The following TEAD1 variants were observed in gnomAD, a reference collection of about 807,000 sequenced individuals.
The protein encoded by TEAD1 is TEA domain transcription factor 1.
Under a neutral mutation model 54.9 loss-of-function variants are expected in TEAD1, and 9 were observed. That is an observed-to-expected ratio of 0.16 (90% CI 0.10 to 0.29). The LOEUF (loss-of-function observed/expected upper bound fraction) is 0.29. Among genes scored for constraint, TEAD1 ranks in the 10% least tolerant of loss-of-function variants. The pLI is 1.00. For synonymous variants in TEAD1, 200 were observed against 187.8 expected, an observed-to-expected ratio of 1.07 and a Z score of -0.53; for missense variants, 387 against 535.9, an observed-to-expected ratio of 0.72 and a Z score of 2.74.
intron 2 of TEAD1, among the ~76,000 whole-genome samples, chr11:12,734,626 C>T (rs1215813807): frequency 1.3e-5 from 2 of 152,050 alleles, no homozygotes; most frequent in Middle Eastern, 3.2e-3. Flanking sequence ...TTTACTGTAC[C>T]TTTTCTATGT....
chr11:12,884,131 C>G (rs1333211934), intron 9 of TEAD1, among the ~76,000 whole-genome samples: 1 of 152,110 alleles, frequency 6.6e-6, no homozygotes, highest in Non-Finnish European at 1.5e-5. Context: ...CCTACCTCCC[C>G]CACCCCCATC....
intron 3 of TEAD1, among the ~76,000 whole-genome samples, chr11:12,781,964 AAAAAAAAGAAAGAAAAAAAGAAAAAG>A (rs1945557583): frequency 7.0e-6 from 1 of 141,954 alleles, no homozygotes; most frequent in African/African-American, 3.1e-5. Context: ...AAAAAAAAAA[AAAAAAAAGAAAGAAAAAAAGAAAAAG>A]AAAAAAAAAA....
chr11:12,741,003 A>C (rs1288445570), intron 2 of TEAD1, among the ~76,000 whole-genome samples: 1 of 151,564 alleles, frequency 6.6e-6, no homozygotes, highest in African/African-American at 2.4e-5. Context: ...TAAAAATTGC[A>C]AAAACAATGG....
chr11:12,712,474 T>C (rs1188329341), intron 2 of TEAD1, among the ~76,000 whole-genome samples: 1 of 152,244 alleles, frequency 6.6e-6, no homozygotes, highest in East Asian at 1.9e-4. Context: ...GCTTCAGGCA[T>C]GTTCCCTAAA....
chr11:12,850,940 A>G (rs1947260895), intron 3 of TEAD1: 1 of 355,972 alleles, frequency 2.8e-6, no homozygotes, highest in African/African-American at 2.2e-5. Flanking sequence ...GACGAGAACA[A>G]AGGTCTGAAA....
chr11:12,873,844 T>C (rs186164523), intron 5 of TEAD1, among the ~76,000 whole-genome samples: 3 of 152,366 alleles, frequency 2.0e-5, no homozygotes, highest in African/African-American at 7.2e-5. Context: ...AGAAAGAACA[T>C]CTGCAAGATT....
intron 2 of TEAD1, among the ~76,000 whole-genome samples, chr11:12,739,241 TATCA>T (rs975680237): frequency 6.6e-6 from 1 of 152,030 alleles, no homozygotes; most frequent in Non-Finnish European, 1.5e-5. Flanking sequence ...TCTATCTATC[TATCA>T]GTCATCTATC....
intron 2 of TEAD1, among the ~76,000 whole-genome samples, chr11:12,743,073 CCTT>C (rs765511891): frequency 1.3e-4 from 20 of 152,296 alleles, no homozygotes; most frequent in Non-Finnish European, 2.6e-4. Flanking sequence ...TCTTGTTTGT[CCTT>C]CTCTTTCTTG....
At chr11:12,818,400 A>G (rs895890323) in intron 3 of TEAD1, among the ~76,000 whole-genome samples, 1 of 152,216 alleles carries the variant, frequency 6.6e-6, no homozygotes, top group African/African-American at 2.4e-5. Context: ...GCTAGATCTC[A>G]TCAAGGGATT....
intron 5 of TEAD1, among the ~76,000 whole-genome samples, chr11:12,873,493 A>G (rs1425015314): frequency 2.6e-5 from 4 of 152,216 alleles, no homozygotes; most frequent in African/African-American, 4.8e-5. Context: ...AAAATGAACA[A>G]TGGTAAAAGC....
At chr11:12,763,303 G>A (rs1378806924) in intron 2 of TEAD1, among the ~76,000 whole-genome samples, 1 of 152,230 alleles carries the variant, frequency 6.6e-6, no homozygotes, top group Non-Finnish European at 1.5e-5. Context: ...GTTTTCATGT[G>A]ATCAGGAATT....
At chr11:12,856,643 T>C (rs775252083) in intron 3 of TEAD1, among the ~76,000 whole-genome samples, 1 of 152,218 alleles carries the variant, frequency 6.6e-6, no homozygotes, top group Non-Finnish European at 1.5e-5. Flanking sequence ...AGCTTTGGTC[T>C]AGCAGTCAAG....
chr11:12,793,059 C>T (rs1032023188), intron 3 of TEAD1, among the ~76,000 whole-genome samples: 1 of 150,932 alleles, frequency 6.6e-6, no homozygotes, highest in Non-Finnish European at 1.5e-5. Flanking sequence ...GACCTTGTCT[C>T]TTTAAAAAAA....
chr11:12,824,413 A>G (rs748393351), intron 3 of TEAD1, among the ~76,000 whole-genome samples: 1 of 152,222 alleles, frequency 6.6e-6, no homozygotes. Context: ...TTCCTCCAGC[A>G]GTCAAATTCT....
intron 3 of TEAD1, 143 bp from the exon 4 acceptor site, chr11:12,862,107 T>C (rs71481076): frequency 1.5e-6 from 1 of 670,038 alleles, no homozygotes; most frequent in Non-Finnish European, 2.7e-6. Flanking sequence ...CAGACAATTG[T>C]GCTGTTTTAT....
intron 2 of TEAD1, among the ~76,000 whole-genome samples, chr11:12,710,690 A>T (rs556953711): frequency 7.9e-4 from 121 of 152,336 alleles, no homozygotes; most frequent in African/African-American, 2.8e-3. Flanking sequence ...GTGAACAAGC[A>T]GGTAAGGTCC....
In TEAD1 at chr11:12,938,998, T is replaced by G. The variant is rs768888386; in HGVS notation, c.*1776T>G. 6.6e-6 allele frequency: 1 copy of G among 152,244 alleles called. No homozygotes were observed. Among genetic ancestry groups the G allele is most frequent in the African/African-American group, 2.4e-5 (1 of 41,470 alleles). 9.4% of individuals were successfully genotyped at this position (152,244 alleles called of 1,614,324 possible). The stretch of plus-strand genomic sequence containing the variant: ...CCTGTCTCAACACCTGCTTTGACCC[T>G]GCTTTTCTATTATTACATCAGTCAG... On this transcript the variant is annotated 3_prime_UTR_variant, in exon 13 of 13. Transcript: ENST00000527636.
chr11:12,703,372 G>A (rs1227212450), intron 2 of TEAD1, among the ~76,000 whole-genome samples: 2 of 152,204 alleles, frequency 1.3e-5, no homozygotes, highest in Non-Finnish European at 2.9e-5. Flanking sequence ...GGTACGTGGA[G>A]ATATTATCAT....
At chr11:12,675,377 A>T (rs1178495613) in intron 1 of TEAD1, 32 bp from the exon 2 acceptor site, 1 of 152,298 alleles carries the variant, frequency 6.6e-6, no homozygotes, top group Non-Finnish European at 1.5e-5. Flanking sequence ...CAAAGATGAA[A>T]AAGGGCACGG....
Sources: gnomAD v4.1 joint callset for allele counts (sites outside exome capture counted in the v4.1 genomes callset) on GRCh38, gnomAD v4.1.1 for gene constraint, MANE v1.5 for transcripts, NCBI Gene and HGNC (gene_info 2026-07-23, HGNC 2026-07-21) for gene names.